LAMC1: variants seen among roughly 807,000 people sequenced by gnomAD.
The protein encoded by LAMC1 is laminin subunit gamma-1.
Under a neutral mutation model 173.6 loss-of-function variants are expected in LAMC1, and 38 were observed. That is an observed-to-expected ratio of 0.22 (90% CI 0.17 to 0.29). The LOEUF (loss-of-function observed/expected upper bound fraction) is 0.29. LAMC1 is among the 10% of genes least tolerant of loss of function. LAMC1 has a pLI of 1.00. For missense variants in LAMC1, 1,824 were observed against 2,051.8 expected, an observed-to-expected ratio of 0.89 and a Z score of 2.14; for synonymous variants, 746 against 749.1, an observed-to-expected ratio of 1.00 and a Z score of 0.07.
rs544106147 is a variant in LAMC1, at chr1:183,113,798, A to G, written c.1022-733A>G. ...AATGTATTTGACTCATCTGAGGCCT[A>G]AAAAGTTAAGGTAAATTGAAGCCTG... On this transcript the variant is annotated intron_variant, in intron 4 of 27. Transcript: ENST00000258341. 4.3e-4 allele frequency among the ~76,000 whole-genome samples: 65 copies of G among 152,332 alleles called. 1 individual carries two copies. The highest frequency in any genetic ancestry group is 1.5e-3 in the African/African-American group (61 of 41,598).
Position 183,142,668 on chromosome 1 carries a change from G to A in LAMC1, c.4708G>A (p.Ala1570Thr). Residue 1570 changes from alanine to threonine, a missense_variant, in exon 28 of 28, where the codon GCT (alanine) becomes ACT (threonine). Transcript: ENST00000258341. The stretch of plus-strand genomic sequence containing the variant: ...GGAGAATGAAGCCAAGAAGCAGGAG[G>A]CTGCCATCATGGACTATAACCGAGA... ...DLENEAKKQE[A>T]AIMDYNRDIE... 1 of 1,614,104 alleles carries A rather than the reference G, an allele frequency of 6.2e-7. No individual in the cohort carries two copies. The highest frequency in any genetic ancestry group is 8.5e-7 in the Non-Finnish European group (1 of 1,179,998).
chr1:183,034,189 A>T (rs941230654), intron 1 of LAMC1, among the ~76,000 whole-genome samples: 2 of 152,222 alleles, frequency 1.3e-5, no homozygotes, highest in Non-Finnish European at 2.9e-5. Context: ...GATGTTGAAG[A>T]TACTTTTTAT....
chr1:183,059,725 A>G (rs1236617180), intron 1 of LAMC1, among the ~76,000 whole-genome samples: 1 of 152,176 alleles, frequency 6.6e-6, no homozygotes, highest in African/African-American at 2.4e-5. Flanking sequence ...ACAAACGTGG[A>G]ATAGTGAGAG....
At chr1:183,025,985 T>G (rs1417443873) in intron 1 of LAMC1, among the ~76,000 whole-genome samples, 2 of 152,216 alleles carry the variant, frequency 1.3e-5, no homozygotes, top group Non-Finnish European at 2.9e-5. Flanking sequence ...TAACCCAGTA[T>G]CAGTTACGTT....
chr1:183,072,185 T>G (rs1444778552), intron 1 of LAMC1, among the ~76,000 whole-genome samples: 1 of 152,238 alleles, frequency 6.6e-6, no homozygotes, highest in Non-Finnish European at 1.5e-5. Flanking sequence ...TTCTTTTAAG[T>G]CTGCTATTTG....
At position 183,127,313 on chromosome 1, in the gene LAMC1, G is replaced by A. The variant is rs137973348; in HGVS notation, c.3032G>A (p.Arg1011His). ...CECREGFVGN[R>H]CDQCEENYFY... ...TGCAGAGAAGGCTTTGTGGGAAATC[G>A]CTGTGACCAGTGTGAAGAAAACTAT... Residue 1011 changes from arginine to histidine, a missense_variant, in exon 17 of 28, where the codon CGC becomes CAC. By Grantham distance (29) the Arg-to-His change is conservative. Coordinates refer to ENST00000258341, the MANE Select transcript of LAMC1 (RefSeq NM_002293.4). 5.5e-4 allele frequency: 889 copies of A among 1,614,110 alleles called. No homozygotes were observed. The highest frequency in any genetic ancestry group is 6.8e-4 in the Non-Finnish European group (803 of 1,180,000).
intron 1 of LAMC1, among the ~76,000 whole-genome samples, chr1:183,101,962 G>A (rs1362449622): frequency 1.3e-5 from 2 of 152,132 alleles, no homozygotes; most frequent in African/African-American, 2.4e-5. Context: ...CACATAGCTC[G>A]CATGGGCTTT....
intron 26 of LAMC1, among the ~76,000 whole-genome samples, chr1:183,139,741 A>G (rs1209097113): frequency 6.6e-6 from 1 of 152,132 alleles, no homozygotes; most frequent in Non-Finnish European, 1.5e-5. Context: ...TTCCTCTTCC[A>G]TTGCTGTTTC....
At chr1:183,085,598 G>T (rs1216605976) in intron 1 of LAMC1, among the ~76,000 whole-genome samples, 1 of 151,828 alleles carries the variant, frequency 6.6e-6, no homozygotes, top group African/African-American at 2.4e-5. Flanking sequence ...TTGAACACTT[G>T]GGGTCAGGTG....
At chr1:183,075,304 CAG>C (rs1388746141) in intron 1 of LAMC1, among the ~76,000 whole-genome samples, 5 of 151,950 alleles carry the variant, frequency 3.3e-5, no homozygotes, top group African/African-American at 1.2e-4. Flanking sequence ...TTTACAAGGA[CAG>C]GGTTTCGCCA....
chr1:183,136,331 C>T, intron 24 of LAMC1, 55 bp from the exon 25 acceptor site: 4 of 1,483,586 alleles, frequency 2.7e-6, no homozygotes, highest in Middle Eastern at 1.7e-4. Flanking sequence ...CCCTGAAAGG[C>T]CCCCTTTTTA....
chr1:183,053,693 T>C (rs2102025451), intron 1 of LAMC1, among the ~76,000 whole-genome samples: 1 of 152,242 alleles, frequency 6.6e-6, no homozygotes, highest in South Asian at 2.1e-4. Context: ...TGGCACGAAC[T>C]TGGCTCACTG....
intron 1 of LAMC1, among the ~76,000 whole-genome samples, chr1:183,070,410 C>T (rs1200585436): frequency 6.6e-6 from 1 of 152,132 alleles, no homozygotes; most frequent in Non-Finnish European, 1.5e-5. Flanking sequence ...TGGCCTGTCA[C>T]AGAGGTTGGA....
At chr1:183,025,429 A>G (rs1558024957) in intron 1 of LAMC1, among the ~76,000 whole-genome samples, 1 of 152,246 alleles carries the variant, frequency 6.6e-6, no homozygotes, top group Non-Finnish European at 1.5e-5. Flanking sequence ...CAGTTGAGTC[A>G]TTAAACAAAT....
chr1:183,058,693 T>G (rs765821498), intron 1 of LAMC1, among the ~76,000 whole-genome samples: 8 of 152,242 alleles, frequency 5.3e-5, no homozygotes, highest in Admixed American at 1.3e-4. Context: ...TAAGACTGTT[T>G]ATGTAGACTT....
intron 2 of LAMC1, among the ~76,000 whole-genome samples, chr1:183,105,749 C>T (rs764982458): frequency 3.9e-5 from 6 of 152,112 alleles, no homozygotes; most frequent in Non-Finnish European, 8.8e-5. Context: ...ACCCAGTTGC[C>T]AAGGAGGTTG....
intron 1 of LAMC1, among the ~76,000 whole-genome samples, chr1:183,099,933 G>A (rs780421869): frequency 6.6e-6 from 1 of 152,006 alleles, no homozygotes; most frequent in Non-Finnish European, 1.5e-5. Context: ...TCCTGCCCAC[G>A]CTTCTCTGTT....
intron 19 of LAMC1, 70 bp downstream of exon 19, chr1:183,130,619 G>A: frequency 1.7e-6 from 2 of 1,186,244 alleles, no homozygotes; most frequent in South Asian, 1.3e-5. Flanking sequence ...TCTGTTACTG[G>A]CAGTGGAGTG....
chr1:183,133,758 A>T (rs1356677232), intron 22 of LAMC1, among the ~76,000 whole-genome samples: 1 of 152,198 alleles, frequency 6.6e-6, no homozygotes, highest in Non-Finnish European at 1.5e-5. Flanking sequence ...AGGTGGGAGG[A>T]TTCCTTGAGG....
Sources: allele counts gnomAD v4.1 joint callset (sites outside exome capture counted in the v4.1 genomes callset), GRCh38; gene constraint gnomAD v4.1.1; transcripts MANE v1.5; gene names NCBI Gene and HGNC (gene_info 2026-07-23, HGNC 2026-07-21).